The following DLC1 variants were observed in gnomAD, a reference collection of about 807,000 sequenced individuals.
The protein encoded by DLC1 is rho GTPase-activating protein 7.
A neutral mutation model predicts 140.3 loss-of-function variants in DLC1; 54 were observed. That is an observed-to-expected ratio of 0.38 (90% CI 0.31 to 0.48). The LOEUF (loss-of-function observed/expected upper bound fraction) is 0.48. Ranked by LOEUF, DLC1 falls within the 20% of genes least tolerant of loss-of-function variation. DLC1 has a pLI of 0.96. For synonymous variants in DLC1, 986 were observed against 728.1 expected (o/e 1.35, Z -5.70); for missense variants, 2,536 against 1,907.0 (o/e 1.33, Z -6.14).
chr8:13,453,398 ATATG>A (rs1335163060), intron 2 of DLC1, among the ~76,000 whole-genome samples: 2 of 35,290 alleles, frequency 5.7e-5, no homozygotes, highest in African/African-American at 2.4e-4. Context: ...ATATATATAT[ATATG>A]TGTATATATA....
chr8:13,530,136 G>C (rs1803048534), intron 1 of DLC1, among the ~76,000 whole-genome samples: 1 of 152,134 alleles, frequency 6.6e-6, no homozygotes, highest in Admixed American at 6.6e-5. Context: ...GTCACCTGAG[G>C]AATGGAAGGC....
At chr8:13,168,825 C>G (rs17126398) in intron 5 of DLC1, among the ~76,000 whole-genome samples, 12,122 of 152,202 alleles carry the variant, frequency 0.08, 1,633 homozygotes, top group African/African-American at 0.28. Flanking sequence ...TATCTGTGTT[C>G]CTAAAACGGT....
intron 5 of DLC1, among the ~76,000 whole-genome samples, chr8:13,243,236 G>C (rs1235092907): frequency 6.9e-6 from 1 of 144,680 alleles, no homozygotes; most frequent in Non-Finnish European, 1.5e-5. Context: ...GTTGCAGTGA[G>C]CCAAGATCAA....
intron 2 of DLC1, among the ~76,000 whole-genome samples, chr8:13,429,200 T>C (rs901057187): frequency 6.6e-6 from 1 of 152,200 alleles, no homozygotes; most frequent in South Asian, 2.1e-4. Context: ...ATACAGATCA[T>C]AGGTCTTCTC....
chr8:13,457,673 T>C (rs1370217317), intron 2 of DLC1, among the ~76,000 whole-genome samples: 1 of 68,146 alleles, frequency 1.5e-5, no homozygotes, highest in African/African-American at 6.6e-5. Context: ...CAAGACTCCA[T>C]CTCAAAAAAA....
intron 2 of DLC1, among the ~76,000 whole-genome samples, chr8:13,432,231 A>C (rs887833262): frequency 2.0e-5 from 3 of 152,210 alleles, no homozygotes; most frequent in Non-Finnish European, 1.5e-5. Context: ...AACTATAGGC[A>C]ACTTCAGAAC....
intron 1 of DLC1, among the ~76,000 whole-genome samples, chr8:13,538,767 A>G (rs1585253867): frequency 1.3e-5 from 2 of 152,348 alleles, no homozygotes; most frequent in Admixed American, 6.5e-5. Flanking sequence ...GCAGATTTCA[A>G]GCTCAGACTG....
intron 1 of DLC1, among the ~76,000 whole-genome samples, chr8:13,550,239 G>A (rs1213785558): frequency 2.0e-5 from 3 of 152,028 alleles, no homozygotes; most frequent in Non-Finnish European, 4.4e-5. Flanking sequence ...AAGATCTGAT[G>A]GTTTTAAAAA....
chr8:13,085,791 C>A lies in DLC1; in HGVS notation c.*20G>T. 6.2e-7 allele frequency: 1 copy of A among 1,613,874 alleles called. No individual in the cohort carries two copies. The highest frequency in any genetic ancestry group is 1.1e-5 in the South Asian group (1 of 91,070). ...GAAACAAACACCATGGTGGTGGAAGCGGTTGCGTTGCTTCAGTGATCACCT... is the reference window on the plus strand; with the variant it reads ...GAAACAAACACCATGGTGGTGGAAGAGGTTGCGTTGCTTCAGTGATCACCT... On this transcript the variant is annotated 3_prime_UTR_variant, in exon 18 of 18. Coordinates refer to ENST00000276297, the MANE Select transcript of DLC1 (RefSeq NM_182643.3).
Position 13,100,738 on chromosome 8 carries a change from G to T in DLC1, c.1599C>A (p.Ala533=). The T allele has an allele frequency of 6.3e-7, 1 of 1,594,590 alleles. No individual in the cohort carries two copies. Among genetic ancestry groups the T allele is most frequent in the Non-Finnish European group, 8.5e-7 (1 of 1,170,900 alleles). The part of the protein sequence containing the change: ...SDDSDEDEPC[A]ISGKWTFQRD... Reference sequence around the variant, plus strand: ...TTTGGAAAGTCCATTTGCCACTGATGGCACAAGGCTCATCCTCGTCTGAAT... The same window carrying T: ...TTTGGAAAGTCCATTTGCCACTGATTGCACAAGGCTCATCCTCGTCTGAAT... The change falls in exon 9 of 18, where the codon GCC becomes GCA. Residue 533 remains alanine, a synonymous_variant. Transcript: ENST00000276297.
intron 5 of DLC1, among the ~76,000 whole-genome samples, chr8:13,140,229 T>C (rs1822877857): frequency 6.6e-6 from 1 of 152,194 alleles, no homozygotes; most frequent in Admixed American, 6.5e-5. Flanking sequence ...TATCTATATC[T>C]ATATCTATCT....
intron 1 of DLC1, among the ~76,000 whole-genome samples, chr8:13,571,712 G>A (rs1804658287): frequency 6.6e-6 from 1 of 152,168 alleles, no homozygotes; most frequent in Non-Finnish European, 1.5e-5. Context: ...CGATTCTTTT[G>A]GGTCCATACT....
intron 5 of DLC1, among the ~76,000 whole-genome samples, chr8:13,138,270 G>A (rs969138857): frequency 1.3e-5 from 2 of 152,168 alleles, no homozygotes; most frequent in African/African-American, 4.8e-5. Flanking sequence ...TTAGTGGCTT[G>A]TTGACCTGTC....
intron 4 of DLC1, among the ~76,000 whole-genome samples, chr8:13,316,459 T>G (rs1409800772): frequency 6.6e-6 from 1 of 152,140 alleles, no homozygotes; most frequent in Non-Finnish European, 1.5e-5. Context: ...TTTAACAACT[T>G]TCTTAACCCT....
intron 5 of DLC1, chr8:13,132,864 G>T: frequency 2.0e-6 from 3 of 1,510,292 alleles, no homozygotes; most frequent in Non-Finnish European, 2.7e-6. Context: ...GACAAGGCGG[G>T]GTGACACTTT....
chr8:13,200,298 A>G (rs1422148004), intron 5 of DLC1, among the ~76,000 whole-genome samples: 1 of 151,894 alleles, frequency 6.6e-6, no homozygotes, highest in Non-Finnish European at 1.5e-5. Flanking sequence ...TCCTGACATC[A>G]TGATCTGCCC....
chr8:13,314,694 G>A (rs1832797279), intron 4 of DLC1, among the ~76,000 whole-genome samples: 1 of 152,134 alleles, frequency 6.6e-6, no homozygotes, highest in Non-Finnish European at 1.5e-5. Context: ...TCTGGTAGAA[G>A]CTCAAAACAT....
intron 1 of DLC1, among the ~76,000 whole-genome samples, chr8:13,540,969 T>C (rs952296170): frequency 6.6e-6 from 1 of 152,210 alleles, no homozygotes; most frequent in African/African-American, 2.4e-5. Context: ...GAGAGACATG[T>C]AGCTGATATT....
chr8:13,266,408 C>T (rs918099236), intron 5 of DLC1, among the ~76,000 whole-genome samples: 10 of 152,140 alleles, frequency 6.6e-5, no homozygotes, highest in African/African-American at 2.4e-4. Flanking sequence ...CTCCCTTTGT[C>T]TCAGGAGCAC....
Sources: allele counts gnomAD v4.1 joint callset (sites outside exome capture counted in the v4.1 genomes callset), GRCh38; gene constraint gnomAD v4.1.1; transcripts MANE v1.5; gene names NCBI Gene and HGNC (gene_info 2026-07-23, HGNC 2026-07-21).